Variants in HECW1 observed in about 807,000 individuals in gnomAD.
HECW1 encodes the protein HECT, C2 and WW domain containing E3 ubiquitin protein ligase 1, also known as E3 ubiquitin-protein ligase HECW1.
Under a neutral mutation model 182.3 loss-of-function variants are expected in HECW1, and 61 were observed. The ratio of observed to expected loss-of-function variants is 0.33; its 90% CI spans 0.27 to 0.41. HECW1 has a LOEUF of 0.41. HECW1 is among the 10% of genes least tolerant of loss of function. HECW1 has a pLI of 1.00. For synonymous variants in HECW1, 859 were observed against 832.6 expected (o/e 1.03, Z -0.55); for missense variants, 1,739 against 2,108.9 (o/e 0.82, Z 3.44).
chr7:43,414,002 G>A (rs949062554), intron 8 of HECW1, among the ~76,000 whole-genome samples: 24 of 150,494 alleles, frequency 1.6e-4, no homozygotes, highest in African/African-American at 5.6e-4. Context: ...AAAGTCATTG[G>A]TAGCTTGATG....
chr7:43,508,992 G>A lies in HECW1; in HGVS notation c.3890G>A (p.Arg1297Gln), dbSNP rs752090649. Residue 1297 changes from arginine to glutamine, a missense_variant, in exon 24 of 30, where the codon CGG (arginine) becomes CAG (glutamine). Arg to Gln is a conservative substitution (Grantham distance 43). This residue lies in a region of HECW1 where 420 missense variants were observed against 595.7 expected (regional missense o/e 0.71). Coordinates refer to ENST00000395891, the MANE Select transcript of HECW1 (RefSeq NM_015052.5). ...EEGLDYSGPS[R>Q]EFFFLLSQEL... is the part of the protein sequence containing the mutation. ...AGCCTGGACTACAGTGGCCCCTCGC[G>A]GGAGTTCTTCTTCCTTCTGTCTCAG... The A allele has an allele frequency of 3.1e-6, 5 of 1,613,882 alleles. No homozygotes were observed. Among genetic ancestry groups the A allele is most frequent in the East Asian group, 2.2e-5 (1 of 44,894 alleles).
At chr7:43,421,810 T>C (rs1190080089) in intron 8 of HECW1, among the ~76,000 whole-genome samples, 4 of 152,126 alleles carry the variant, frequency 2.6e-5, no homozygotes, top group Admixed American at 6.5e-5. Context: ...GTGTGGAACA[T>C]AGACTCTCCA....
intron 6 of HECW1, among the ~76,000 whole-genome samples, chr7:43,385,949 G>A (rs1031571057): frequency 1.3e-5 from 2 of 152,172 alleles, no homozygotes; most frequent in African/African-American, 4.8e-5. Context: ...TTCTCATCTG[G>A]AAGTTCTGTG....
intron 3 of HECW1, among the ~76,000 whole-genome samples, chr7:43,295,312 T>C (rs771493233): frequency 6.6e-6 from 1 of 152,084 alleles, no homozygotes; most frequent in Non-Finnish European, 1.5e-5. Flanking sequence ...GAGGGGGGTA[T>C]ATGGCTTTTT....
At chr7:43,474,174 G>A (rs561039798) in intron 16 of HECW1, among the ~76,000 whole-genome samples, 14 of 152,290 alleles carry the variant, frequency 9.2e-5, no homozygotes, top group African/African-American at 3.4e-4. Flanking sequence ...AATGGGCCAG[G>A]CGCGGTGGCT....
At chr7:43,530,262 CTT>C (rs1300753962) in intron 24 of HECW1, among the ~76,000 whole-genome samples, 1 of 151,480 alleles carries the variant, frequency 6.6e-6, no homozygotes, top group Non-Finnish European at 1.5e-5. Flanking sequence ...CTGGCTCATG[CTT>C]TACTGTAATC....
intron 29 of HECW1, among the ~76,000 whole-genome samples, chr7:43,559,413 C>T (rs371624110): frequency 2.7e-4 from 41 of 152,128 alleles, no homozygotes; most frequent in African/African-American, 8.0e-4. Context: ...AAGTATGACA[C>T]GGTTCCCCAA....
At chr7:43,118,684 T>A (rs1225708440) in intron 2 of HECW1, 1 of 152,208 alleles carries the variant, frequency 6.6e-6, no homozygotes, top group Non-Finnish European at 1.5e-5. Flanking sequence ...CTATTTTGAA[T>A]ATAAATTATT....
rs144625657 is a variant in HECW1 at position 43,497,345 on chromosome 7, TGGAGAG to T, written c.3438-3349_3438-3344del. ...TAGGTGAGACCTACCATGGTGAAGT[TGGAGAG>T]GGAGGCCCTATCACCAACCGGAAAC... On this transcript the variant is annotated intron_variant, in intron 19 of 29. Transcript: ENST00000395891. 8.0e-3 allele frequency among the ~76,000 whole-genome samples: 1,222 copies of T among 152,266 alleles called. 14 individuals are homozygous for T. Among genetic ancestry groups the T allele is most frequent in the African/African-American group, 0.028 (1,167 of 41,566 alleles).
rs181369390 is a variant in HECW1 at position 43,442,473 on chromosome 7, G to T, written c.945-56G>T. 89 of 1,272,934 alleles carry T rather than the reference G, an allele frequency of 7.0e-5. No individual in the cohort carries two copies. The African/African-American group carries it at 1.0e-3, about 15-fold the overall frequency. 78.9% of individuals were successfully genotyped at this position (1,272,934 alleles called of 1,614,324 possible). ...CACTGGTATAGAAAGCACACTGCAT[G>T]GTCATTAGGAAGAGAGGTATTGACC... On this transcript the variant is annotated intron_variant, in intron 9 of 29. Transcript: ENST00000395891.
intron 4 of HECW1, among the ~76,000 whole-genome samples, chr7:43,316,755 C>A (rs1809316785): frequency 2.7e-5 from 1 of 36,600 alleles, no homozygotes; most frequent in Non-Finnish European, 7.0e-5. Flanking sequence ...CAGTTCTCCT[C>A]TCCCCTCCCC....
At chr7:43,352,190 C>G (rs1285233373) in intron 5 of HECW1, among the ~76,000 whole-genome samples, 1 of 152,166 alleles carries the variant, frequency 6.6e-6, no homozygotes, top group African/African-American at 2.4e-5. Flanking sequence ...TGCTAGGTCT[C>G]TGATGCCTTC....
chr7:43,470,293 G>A (rs748034757), intron 16 of HECW1, among the ~76,000 whole-genome samples: 5 of 152,188 alleles, frequency 3.3e-5, no homozygotes, highest in Non-Finnish European at 7.3e-5. Context: ...ATCAGAGCTC[G>A]GTTTCGGGTA....
intron 2 of HECW1, among the ~76,000 whole-genome samples, chr7:43,162,728 CT>C (rs1790675729): frequency 1.3e-5 from 2 of 152,140 alleles, no homozygotes; most frequent in Non-Finnish European, 1.5e-5. Flanking sequence ...CTGGGAATGC[CT>C]TTTAATACAG....
rs775108556 is a variant in HECW1 at position 43,493,106 on chromosome 7, A to G, written c.3363A>G (p.Ala1121=). The part of the protein sequence containing the change: ...LPLAYNDKIV[A]FLRQPNIFEM... ...CAGCATATAATGACAAGATTGTGGC[A>G]TTTCTTCGCCAGCCAAACATTTTTG... is the stretch of plus-strand genomic sequence containing the variant. Residue 1121 remains alanine (A), a synonymous_variant, in exon 19 of 30, where the codon GCA becomes GCG. Transcript: ENST00000395891. 5.6e-6 allele frequency: 9 copies of G among 1,613,346 alleles called. No homozygotes were observed. In the African/African-American group the frequency reaches 8.0e-5, roughly 14 times the overall value.
intron 2 of HECW1, among the ~76,000 whole-genome samples, chr7:43,209,181 C>T (rs912972048): frequency 2.9e-4 from 22 of 75,060 alleles, no homozygotes; most frequent in African/African-American, 9.5e-4. Flanking sequence ...GCATCAGACC[C>T]ACTAGCCCCT....
rs7782660 is a variant in HECW1 at position 43,448,982 on chromosome 7, A to G, written c.2399-1846A>G. The stretch of plus-strand genomic sequence containing the variant: ...CTCCATCCATTCAGTCGGCTGAGAC[A>G]TGTTGGTCACATCATTGCATTTGCT... On this transcript the variant is annotated intron_variant, in intron 11 of 29. Transcript: ENST00000395891. Among the ~76,000 whole-genome samples the G allele has an allele frequency of 4.5e-3, 689 of 152,310 alleles. 6 individuals are homozygous for G. Among genetic ancestry groups the G allele is most frequent in the African/African-American group, 0.015 (617 of 41,558 alleles).
rs560764366 is a variant in HECW1, at chr7:43,336,103, C to T, written c.460+15361C>T. On this transcript the variant is annotated intron_variant, in intron 5 of 29. Coordinates refer to ENST00000395891, the MANE Select transcript of HECW1 (RefSeq NM_015052.5). Reference sequence around the variant, plus strand: ...TTTCTTTCTTTCTCTTTCTTTCTTTCTTCTTTCTTTCTTTCTTTCTTTCTC... The same window carrying T: ...TTTCTTTCTTTCTCTTTCTTTCTTTTTTCTTTCTTTCTTTCTTTCTTTCTC... Among the ~76,000 whole-genome samples, 75 of 107,142 alleles carry T rather than the reference C, an allele frequency of 7.0e-4. 1 individual carries two copies. The highest frequency in any genetic ancestry group is 2.3e-3 in the African/African-American group (60 of 26,312). 70.3% of individuals were successfully genotyped at this position (107,142 alleles called of 152,430 possible).
chr7:43,512,583 A>T (rs372507793), intron 24 of HECW1, among the ~76,000 whole-genome samples: 2 of 152,262 alleles, frequency 1.3e-5, no homozygotes, highest in Admixed American at 1.3e-4. Flanking sequence ...CATTAATAAA[A>T]ATTAGATGAA....
Sources: gnomAD v4.1 joint callset for allele counts (sites outside exome capture counted in the v4.1 genomes callset) on GRCh38, gnomAD v4.1.1 for gene constraint, gnomAD v4.1.1 regional missense constraint, MANE v1.5 for transcripts, NCBI Gene and HGNC (gene_info 2026-07-23, HGNC 2026-07-21) for gene names.